Variants in KIF6 observed in about 807,000 individuals in gnomAD.
KIF6 encodes the protein kinesin family member 6.
In KIF6, 106 loss-of-function variants were observed where a neutral mutation model predicts 112.7. The observed-to-expected ratio is 0.94, with a 90% CI of 0.80 to 1.11. KIF6 has a LOEUF of 1.11. Ranked by LOEUF, KIF6 falls within the 50% of genes least tolerant of loss-of-function variation. The pLI, the probability that KIF6 is intolerant of heterozygous loss-of-function variation, is 0.00. For missense variants in KIF6, 929 were observed against 964.0 expected, an observed-to-expected ratio of 0.96 and a Z score of 0.48; for synonymous variants, 339 against 339.9, an observed-to-expected ratio of 1.00 and a Z score of 0.03.
chr6:39,343,349 A>G lies in KIF6; in HGVS notation c.2428+360T>C. ...TAAGCCAGGGGTTCAACGAGTTACCAAAACATCACTCAGCCCCTTCCTGTT... is the reference window on the plus strand; with the variant it reads ...TAAGCCAGGGGTTCAACGAGTTACCGAAACATCACTCAGCCCCTTCCTGTT... On this transcript the variant is annotated intron_variant, in intron 22 of 22. Coordinates refer to ENST00000287152, the MANE Select transcript of KIF6 (RefSeq NM_145027.6). This position sits in a 1 kb window ranked among gnomAD's most constrained non-coding sequence, Gnocchi z 4.1. 3 of 1,305,628 alleles carry G rather than the reference A, an allele frequency of 2.3e-6. No individual in the cohort carries two copies. The highest frequency in any genetic ancestry group is 3.0e-6 in the Non-Finnish European group (3 of 999,530). 80.9% of individuals were successfully genotyped at this position (1,305,628 alleles called of 1,614,324 possible).
intron 13 of KIF6, among the ~76,000 whole-genome samples, chr6:39,471,512 T>C (rs1451339023): frequency 1.3e-5 from 2 of 152,194 alleles, no homozygotes; most frequent in Non-Finnish European, 2.9e-5. Context: ...GGTCTTTTTA[T>C]AGGTCCTCCA....
intron 10 of KIF6, among the ~76,000 whole-genome samples, chr6:39,575,998 T>G (rs1419505358): frequency 6.6e-6 from 1 of 152,170 alleles, no homozygotes; most frequent in Non-Finnish European, 1.5e-5. Context: ...TTCTCTAGAT[T>G]TGATACAATA....
chr6:39,511,945 G>A (rs1236137538), intron 13 of KIF6, among the ~76,000 whole-genome samples: 1 of 152,188 alleles, frequency 6.6e-6, no homozygotes, highest in East Asian at 1.9e-4. Flanking sequence ...GGCCTGTTGA[G>A]GGGTGGGGGA....
chr6:39,654,091 AG>A (rs1785630407), intron 3 of KIF6, among the ~76,000 whole-genome samples: 1 of 152,224 alleles, frequency 6.6e-6, no homozygotes. Flanking sequence ...AGATGACAAG[AG>A]GAAAGAGTCC....
intron 13 of KIF6, among the ~76,000 whole-genome samples, chr6:39,534,878 A>G (rs542026590): frequency 6.6e-6 from 1 of 152,382 alleles, no homozygotes; most frequent in African/African-American, 2.4e-5. Flanking sequence ...CAGAAATTCT[A>G]CAAGCCAGAA....
intron 15 of KIF6, among the ~76,000 whole-genome samples, chr6:39,400,133 T>G (rs1378383516): frequency 1.3e-5 from 2 of 152,150 alleles, no homozygotes; most frequent in African/African-American, 2.4e-5. Context: ...CATAATATTT[T>G]GGGAATAAGA....
intron 13 of KIF6, among the ~76,000 whole-genome samples, chr6:39,434,912 G>A (rs975762593): frequency 6.6e-6 from 1 of 152,098 alleles, no homozygotes; most frequent in African/African-American, 2.4e-5. Flanking sequence ...ATGATCTCTA[G>A]GTGATTAAAA....
At chr6:39,544,796 T>C in intron 11 of KIF6, 103 bp from the exon 12 acceptor site, 1 of 631,664 alleles carries the variant, frequency 1.6e-6, no homozygotes, top group Non-Finnish European at 2.6e-6. Flanking sequence ...ATCAGGCATG[T>C]GTGACCTGTC....
chr6:39,374,396 C>T (rs569222142), intron 16 of KIF6, among the ~76,000 whole-genome samples: 16 of 152,216 alleles, frequency 1.1e-4, no homozygotes, highest in Admixed American at 5.2e-4. Flanking sequence ...CAGACTAAAA[C>T]GCTTTTGCAC....
intron 19 of KIF6, among the ~76,000 whole-genome samples, chr6:39,351,609 C>CCT (rs147195079): frequency 6.6e-6 from 1 of 150,840 alleles, no homozygotes; most frequent in Non-Finnish European, 1.5e-5. Flanking sequence ...CACACCTGCC[C>CCT]CTCTCTCTCT....
intron 3 of KIF6, among the ~76,000 whole-genome samples, chr6:39,669,493 T>C (rs1215352599): frequency 1.3e-5 from 2 of 152,376 alleles, no homozygotes; most frequent in African/African-American, 4.8e-5. Context: ...TCCTTTGCTT[T>C]AAAATATTTT....
intron 9 of KIF6, 39 bp from the exon 10 acceptor site, chr6:39,578,198 C>G (rs761113480): frequency 1.5e-5 from 20 of 1,323,568 alleles, no homozygotes; most frequent in Non-Finnish European, 2.1e-5. Context: ...GTCAACTTCT[C>G]ATTAAGGTGA....
intron 3 of KIF6, among the ~76,000 whole-genome samples, chr6:39,702,753 C>T (rs182734880): frequency 6.6e-6 from 1 of 152,248 alleles, no homozygotes. Flanking sequence ...GACTTATTTG[C>T]AGTGCTTGAT....
intron 13 of KIF6, among the ~76,000 whole-genome samples, chr6:39,437,561 C>A (rs1329016274): frequency 6.6e-6 from 1 of 152,212 alleles, no homozygotes; most frequent in Non-Finnish European, 1.5e-5. Flanking sequence ...ATTGCTCTCT[C>A]TCTCTCTGCC....
intron 6 of KIF6, among the ~76,000 whole-genome samples, chr6:39,598,818 A>G (rs1229949512): frequency 6.6e-6 from 1 of 152,178 alleles, no homozygotes; most frequent in Non-Finnish European, 1.5e-5. Context: ...ACATAAATGG[A>G]TTTCTAAAAT....
At chr6:39,545,549 A>C in intron 11 of KIF6, 34 bp downstream of exon 11, 1 of 1,520,762 alleles carries the variant, frequency 6.6e-7, no homozygotes, top group Non-Finnish European at 9.1e-7. Context: ...ACATGGCTGA[A>C]AATGGCTTCT....
intron 3 of KIF6, among the ~76,000 whole-genome samples, chr6:39,660,234 C>A (rs1180781681): frequency 6.6e-6 from 1 of 152,140 alleles, no homozygotes; most frequent in Admixed American, 6.6e-5. Context: ...GCATTCATAG[C>A]AAAAGACATT....
chr6:39,651,337 C>G (rs1785459895), intron 3 of KIF6, among the ~76,000 whole-genome samples: 1 of 152,130 alleles, frequency 6.6e-6, no homozygotes, highest in Non-Finnish European at 1.5e-5. Flanking sequence ...AAGGGCCTAT[C>G]TTCAGGGGAG....
chr6:39,367,661 C>T (rs115243619), intron 16 of KIF6, among the ~76,000 whole-genome samples: 1,639 of 152,282 alleles, frequency 0.011, 12 homozygotes, highest in Non-Finnish European at 0.016. Flanking sequence ...CGTGCAAGGA[C>T]CAGAGGGGCT....
Sources: gnomAD v4.1 joint callset for allele counts (sites outside exome capture counted in the v4.1 genomes callset) on GRCh38, gnomAD v4.1.1 for gene constraint, Gnocchi (gnomAD v3.1) non-coding constraint, MANE v1.5 for transcripts, NCBI Gene and HGNC (gene_info 2026-07-23, HGNC 2026-07-21) for gene names.